The following ADGRL2 variants were observed in gnomAD, a reference collection of about 807,000 sequenced individuals.
ADGRL2 encodes adhesion G protein-coupled receptor L2.
A neutral mutation model predicts 157.4 loss-of-function variants in ADGRL2; 44 were observed. That is an observed-to-expected ratio of 0.28 (90% CI 0.22 to 0.36). The LOEUF is 0.36. Among genes scored for constraint, ADGRL2 ranks in the 10% least tolerant of loss-of-function variants. ADGRL2 has a pLI of 1.00. For synonymous variants in ADGRL2, 585 were observed against 624.7 expected (o/e 0.94, Z 0.95); for missense variants, 1,510 against 1,768.9 (o/e 0.85, Z 2.63).
At chr1:81,708,161 C>A (rs1340635858) in intron 1 of ADGRL2, among the ~76,000 whole-genome samples, 2 of 152,138 alleles carry the variant, frequency 1.3e-5, no homozygotes, top group Non-Finnish European at 2.9e-5. Context: ...CATTCTAAAG[C>A]ACTCAAGGAG....
intron 1 of ADGRL2, among the ~76,000 whole-genome samples, chr1:81,815,852 CAA>C (rs951874538): frequency 2.0e-5 from 3 of 151,648 alleles, no homozygotes; most frequent in African/African-American, 7.3e-5. Flanking sequence ...AGATTTAAAA[CAA>C]TGATTATTTA....
chr1:81,473,132 A>G lies in ADGRL2; in HGVS notation c.-248+28043A>G, dbSNP rs79981153. ...GAAGGAGGATGAGGAGGAGGAGGTGATGATGGAGAGTGGGTGGGAGGGACA... is the reference window on the plus strand; with the variant it reads ...GAAGGAGGATGAGGAGGAGGAGGTGGTGATGGAGAGTGGGTGGGAGGGACA... On this transcript the variant is annotated intron_variant, in intron 2 of 24. Coordinates refer to the ADGRL2 transcript ENST00000370721. 6.0e-4 allele frequency among the ~76,000 whole-genome samples: 91 copies of G among 151,456 alleles called. 1 individual carries two copies. In the East Asian group the frequency reaches 0.014, roughly 24 times the overall value.
chr1:81,824,004 C>T (rs928396045), intron 1 of ADGRL2, among the ~76,000 whole-genome samples: 18 of 151,358 alleles, frequency 1.2e-4, no homozygotes, highest in African/African-American at 4.4e-4. Flanking sequence ...TTTTAATTAC[C>T]AGGATATTAT....
rs149784850 is a variant in ADGRL2 at position 81,774,094 on chromosome 1, G to A, written c.-101+12242G>A. On this transcript the variant is annotated intron_variant, in intron 2 of 20. Transcript: ENST00000359929. Reference sequence around the variant, plus strand: ...AGCTTCCAAAACTGGGGGAAAATTAGTTTCTGTTGTTTAAGTCGCCCTGTC... The same window carrying A: ...AGCTTCCAAAACTGGGGGAAAATTAATTTCTGTTGTTTAAGTCGCCCTGTC... Among the ~76,000 whole-genome samples the A allele has an allele frequency of 8.6e-4, 131 of 152,298 alleles. No homozygotes were observed. The Middle Eastern group carries it at 0.014, about 16-fold the overall frequency.
At chr1:81,969,141 A>G in intron 14 of ADGRL2, 37 bp from the exon 15 acceptor site, 1 of 1,434,386 alleles carries the variant, frequency 7.0e-7, no homozygotes. Context: ...GATGTAATGC[A>G]GGAATACTAA....
intron 1 of ADGRL2, among the ~76,000 whole-genome samples, chr1:81,414,710 A>G (rs553877732): frequency 2.0e-5 from 3 of 152,176 alleles, no homozygotes; most frequent in African/African-American, 7.2e-5. Context: ...TGTTTCTGGC[A>G]CTGTTTAACA....
chr1:81,782,483 T>C (rs952595939), intron 2 of ADGRL2, among the ~76,000 whole-genome samples: 1 of 152,244 alleles, frequency 6.6e-6, no homozygotes, highest in African/African-American at 2.4e-5. Flanking sequence ...CATTAGAACC[T>C]AGCTGTTAAC....
chr1:81,903,196 C>G (rs942881413), intron 2 of ADGRL2, among the ~76,000 whole-genome samples: 3 of 152,166 alleles, frequency 2.0e-5, no homozygotes, highest in African/African-American at 7.2e-5. Context: ...GTGTTCAGTG[C>G]TCTTTCCATG....
intron 1 of ADGRL2, among the ~76,000 whole-genome samples, 89 bp downstream of exon 1, chr1:81,801,157 G>A (rs2088030781): frequency 6.6e-6 from 1 of 152,184 alleles, no homozygotes. Context: ...GCCATTGGGC[G>A]ACAATGAGTT....
chr1:81,370,565 A>T (rs113428550), intron 1 of ADGRL2, among the ~76,000 whole-genome samples: 2 of 152,198 alleles, frequency 1.3e-5, no homozygotes, highest in African/African-American at 4.8e-5. Context: ...AGTTAAATAT[A>T]GGCATCCTAA....
At chr1:81,970,914 C>A (rs1317493883) in intron 16 of ADGRL2, among the ~76,000 whole-genome samples, 1 of 152,048 alleles carries the variant, frequency 6.6e-6, no homozygotes, top group Non-Finnish European at 1.5e-5. Context: ...TGCAGCTGAC[C>A]CTCTATAGCT....
At chr1:81,618,562 C>T (rs2081715433) in intron 3 of ADGRL2, among the ~76,000 whole-genome samples, 1 of 152,098 alleles carries the variant, frequency 6.6e-6, no homozygotes, top group Non-Finnish European at 1.5e-5. Flanking sequence ...TCTTTTTGTT[C>T]ATTGTACCAA....
At chr1:81,743,537 G>T (rs1025262046) in intron 1 of ADGRL2, among the ~76,000 whole-genome samples, 1 of 151,766 alleles carries the variant, frequency 6.6e-6, no homozygotes, top group Non-Finnish European at 1.5e-5. Context: ...TGTACCTTAG[G>T]AATTATTATT....
intron 2 of ADGRL2, among the ~76,000 whole-genome samples, chr1:81,863,522 T>C (rs1466095883): frequency 6.6e-6 from 1 of 152,184 alleles, no homozygotes; most frequent in East Asian, 1.9e-4. Context: ...TTGCCCTAAA[T>C]AGCAGTGGCT....
chr1:81,559,543 T>C (rs916507400), intron 2 of ADGRL2, among the ~76,000 whole-genome samples: 3 of 151,988 alleles, frequency 2.0e-5, no homozygotes, highest in African/African-American at 4.8e-5. Context: ...AAGAATAAAA[T>C]ATAAGCCCTA....
intron 3 of ADGRL2, among the ~76,000 whole-genome samples, chr1:81,926,623 G>A (rs1361068358): frequency 1.3e-5 from 2 of 152,042 alleles, no homozygotes; most frequent in African/African-American, 4.8e-5. Context: ...AAAAGTGAAG[G>A]CTTTGAAAAT....
At chr1:81,869,499 T>G (rs572105522) in intron 2 of ADGRL2, among the ~76,000 whole-genome samples, 1 of 152,212 alleles carries the variant, frequency 6.6e-6, no homozygotes, top group South Asian at 2.1e-4. Context: ...TAGTATTAGA[T>G]CACCATGTAT....
At chr1:81,733,555 C>T (rs374506894) in intron 1 of ADGRL2, among the ~76,000 whole-genome samples, 4 of 152,178 alleles carry the variant, frequency 2.6e-5, no homozygotes, top group Non-Finnish European at 5.9e-5. Context: ...CCCACCCTCA[C>T]GGCCTCATTT....
At chr1:81,802,344 G>A (rs1165570352) in intron 1 of ADGRL2, among the ~76,000 whole-genome samples, 1 of 152,046 alleles carries the variant, frequency 6.6e-6, no homozygotes, top group Non-Finnish European at 1.5e-5. Context: ...CGGGTTAATG[G>A]GGCTCGGCTG....
Sources: gnomAD v4.1 joint callset for allele counts (sites outside exome capture counted in the v4.1 genomes callset) on GRCh38, gnomAD v4.1.1 for gene constraint, MANE v1.5 for transcripts, NCBI Gene and HGNC (gene_info 2026-07-23, HGNC 2026-07-21) for gene names.